Variants in CCDC38 observed in about 807,000 individuals in gnomAD.
CCDC38 encodes the protein coiled-coil domain-containing protein 38.
CCDC38 carries 69 observed loss-of-function variants against 72.8 expected under a neutral mutation model. The ratio of observed to expected loss-of-function variants is 0.95; its 90% CI spans 0.78 to 1.16. The LOEUF (loss-of-function observed/expected upper bound fraction) is 1.16. CCDC38 is among the 50% of genes most tolerant of loss of function. The probability of loss-of-function intolerance (pLI) is 0.00; values close to 1 mark genes in which losing one functional copy is unlikely to be tolerated. For synonymous variants in CCDC38, 201 were observed against 213.2 expected, an observed-to-expected ratio of 0.94 and a Z score of 0.50; for missense variants, 626 against 638.9, an observed-to-expected ratio of 0.98 and a Z score of 0.22.
intron 3 of CCDC38, among the ~76,000 whole-genome samples, chr12:95,918,430 C>A (rs1446888693): frequency 1.3e-5 from 2 of 152,162 alleles, no homozygotes; most frequent in African/African-American, 4.8e-5. Context: ...GATGAACACC[C>A]CTTTCTCTAT....
chr12:95,931,262 C>G (rs969861290), intron 2 of CCDC38, among the ~76,000 whole-genome samples: 1 of 152,174 alleles, frequency 6.6e-6, no homozygotes, highest in Non-Finnish European at 1.5e-5. Flanking sequence ...CTTCAAAGTG[C>G]ATCACTTTAG....
intron 4 of CCDC38, 25 bp downstream of exon 4, chr12:95,917,104 T>A: frequency 6.5e-7 from 1 of 1,549,652 alleles, no homozygotes; most frequent in Non-Finnish European, 8.6e-7. Flanking sequence ...CAAAATGATG[T>A]TCTTAAAGAG....
At chr12:95,916,502 T>C (rs889632010) in intron 4 of CCDC38, among the ~76,000 whole-genome samples, 4 of 152,048 alleles carry the variant, frequency 2.6e-5, no homozygotes, top group African/African-American at 9.7e-5. Flanking sequence ...TCCATCATCC[T>C]AGCATTAATC....
At chr12:95,928,529 T>A (rs1444891649) in intron 2 of CCDC38, among the ~76,000 whole-genome samples, 3 of 152,242 alleles carry the variant, frequency 2.0e-5, no homozygotes, top group African/African-American at 7.2e-5. Flanking sequence ...GAAGCCTTCT[T>A]CTCTCAGCTC....
chr12:95,936,138 T>G (rs2080391260), intron 2 of CCDC38, among the ~76,000 whole-genome samples: 1 of 151,786 alleles, frequency 6.6e-6, no homozygotes, highest in African/African-American at 2.4e-5. Flanking sequence ...GGCAGAAGGA[T>G]AAGATGAGAA....
rs1565952479 is a variant in CCDC38 at position 95,898,553 on chromosome 12, A to T, written c.533+15T>A. The T allele has an allele frequency of 1.2e-6, 2 of 1,613,974 alleles. No homozygotes were observed. The highest frequency in any genetic ancestry group is 1.1e-5 in the South Asian group (1 of 91,088). On this transcript the variant is annotated intron_variant, in intron 6 of 15. Transcript: ENST00000344280. The stretch of plus-strand genomic sequence containing the variant: ...AAAGAGGTGGGAAGGATTTGGCCAG[A>T]GTGATGAAACAAACATTTTCAGAGC...
intron 2 of CCDC38, among the ~76,000 whole-genome samples, chr12:95,931,207 G>T (rs917123484): frequency 3.3e-5 from 5 of 152,168 alleles, no homozygotes; most frequent in African/African-American, 1.2e-4. Flanking sequence ...CTTTCCAGCT[G>T]TTAGAGGCTG....
In CCDC38 at chr12:95,871,777, G is replaced by A. The variant is rs976754686; in HGVS notation, c.1484+478C>T. Among the ~76,000 whole-genome samples the A allele has an allele frequency of 4.6e-5, 7 of 152,038 alleles. 1 individual carries two copies. In the South Asian group the frequency reaches 1.5e-3, roughly 32 times the overall value. On this transcript the variant is annotated intron_variant, in intron 14 of 15. Coordinates refer to ENST00000344280, the MANE Select transcript of CCDC38 (RefSeq NM_182496.3). ...ACAATTCCTTCATTAGGAATTTGGAGCCCTTCATGGGAGAACCACAGGTAG... is the reference window on the plus strand; with the variant it reads ...ACAATTCCTTCATTAGGAATTTGGAACCCTTCATGGGAGAACCACAGGTAG...
chr12:95,936,930 T>C (rs2080400760), intron 1 of CCDC38, among the ~76,000 whole-genome samples: 1 of 152,172 alleles, frequency 6.6e-6, no homozygotes. Flanking sequence ...TGAGAGGTGT[T>C]TGAAATGCCA....
At chr12:95,885,190 G>A (rs2079745196) in intron 10 of CCDC38, 1 of 153,058 alleles carries the variant, frequency 6.5e-6, no homozygotes, top group African/African-American at 2.4e-5. Context: ...TGTGCCCTTA[G>A]GCGGGTCCTT....
intron 2 of CCDC38, among the ~76,000 whole-genome samples, chr12:95,925,446 A>T (rs2080258066): frequency 6.6e-6 from 1 of 152,304 alleles, no homozygotes; most frequent in East Asian, 1.9e-4. Context: ...TGGGGCTGAG[A>T]CGATGGGGTT....
In CCDC38 at chr12:95,878,266, TC is replaced by T. The variant is rs2079657634; in HGVS notation, c.1222del (p.Glu408AsnfsTer4). The T allele has an allele frequency of 6.2e-7, 1 of 1,613,734 alleles. No individual in the cohort carries two copies. The highest frequency in any genetic ancestry group is 8.5e-7 in the Non-Finnish European group (1 of 1,179,844). On this transcript the variant is annotated frameshift_variant, in exon 13 of 16. Transcript: ENST00000344280. LOFTEE classifies it high-confidence loss of function. ...AAAGAGCTTGGACTTTAATTGCAAT[TC>T]TGCTGCTTTCTCTTCTTCTCTCACA... ...NCVREEEKAAELQLKSKLFSF... is the reference protein window; with the variant it reads ...NCVREEEKAAXLQLKSKLFSF...
intron 12 of CCDC38, among the ~76,000 whole-genome samples, chr12:95,878,932 A>G (rs982678109): frequency 2.6e-5 from 4 of 152,212 alleles, no homozygotes; most frequent in African/African-American, 9.6e-5. Flanking sequence ...CTTCTGAACA[A>G]ATTAATTTGT....
chr12:95,914,655 T>C (rs763380755), intron 4 of CCDC38, among the ~76,000 whole-genome samples: 3 of 152,226 alleles, frequency 2.0e-5, no homozygotes, highest in Non-Finnish European at 4.4e-5. Flanking sequence ...ACAGTCTGCA[T>C]TCAAATCTTC....
intron 3 of CCDC38, among the ~76,000 whole-genome samples, chr12:95,917,745 G>C (rs1255042740): frequency 6.6e-6 from 1 of 151,764 alleles, no homozygotes; most frequent in African/African-American, 2.4e-5. Context: ...GGTGACGGGT[G>C]CCTGTAGTCA....
chr12:95,932,300 A>G (rs2080346154), intron 2 of CCDC38, among the ~76,000 whole-genome samples: 1 of 152,150 alleles, frequency 6.6e-6, no homozygotes. Flanking sequence ...TTCTGAAGGG[A>G]GAACCAACAG....
At chr12:95,918,545 A>G (rs1389206784) in intron 3 of CCDC38, among the ~76,000 whole-genome samples, 1 of 152,232 alleles carries the variant, frequency 6.6e-6, no homozygotes, top group Non-Finnish European at 1.5e-5. Flanking sequence ...ATGACATCCC[A>G]TCTATGTAAG....
chr12:95,880,377 C>A (rs181604847), intron 11 of CCDC38, among the ~76,000 whole-genome samples: 8 of 152,174 alleles, frequency 5.3e-5, no homozygotes, highest in Admixed American at 5.2e-4. Flanking sequence ...AGAAATTGAC[C>A]GGGTGCGGTG....
chr12:95,926,427 T>C (rs1451567047), intron 2 of CCDC38, among the ~76,000 whole-genome samples: 2 of 151,768 alleles, frequency 1.3e-5, no homozygotes, highest in Non-Finnish European at 3.0e-5. Flanking sequence ...TTGATTCTTC[T>C]CTCTTTTCTT....
Sources: gnomAD v4.1 joint callset for allele counts (sites outside exome capture counted in the v4.1 genomes callset) on GRCh38, gnomAD v4.1.1 for gene constraint, MANE v1.5 for transcripts, NCBI Gene and HGNC (gene_info 2026-07-23, HGNC 2026-07-21) for gene names.